NRG1: variants seen among roughly 807,000 people sequenced by gnomAD.
The protein encoded by NRG1 is neuregulin 1.
Under a neutral mutation model 63.8 loss-of-function variants are expected in NRG1, and 18 were observed. That is an observed-to-expected ratio of 0.28 (90% CI 0.19 to 0.42). The LOEUF (loss-of-function observed/expected upper bound fraction) is 0.42, where lower values mean the gene tolerates loss of function less well. Among genes scored for constraint, NRG1 ranks in the 10% least tolerant of loss-of-function variants. NRG1 has a pLI of 1.00. For missense variants in NRG1, 762 were observed against 814.7 expected (o/e 0.94, Z 0.79); for synonymous variants, 302 against 301.3 (o/e 1.00, Z -0.02).
chr8:32,061,850 G>T (rs1054195257), intron 1 of NRG1: 1 of 151,962 alleles, frequency 6.6e-6, no homozygotes. Flanking sequence ...AACATGAACT[G>T]CATTCTTTGT....
chr8:32,457,743 TTTTG>T (rs1411500226), intron 1 of NRG1, among the ~76,000 whole-genome samples: 2 of 152,126 alleles, frequency 1.3e-5, no homozygotes, highest in Non-Finnish European at 2.9e-5. Flanking sequence ...TGGGGAAAGT[TTTTG>T]TTTGTTTTGT....
chr8:32,577,520 CAAAAT>C (rs1484815875), intron 1 of NRG1, among the ~76,000 whole-genome samples: 1 of 152,028 alleles, frequency 6.6e-6, no homozygotes, highest in Non-Finnish European at 1.5e-5. Context: ...AAATGACACA[CAAAAT>C]AAAGAGGCTT....
intron 1 of NRG1, among the ~76,000 whole-genome samples, chr8:32,562,648 G>A (rs1047147013): frequency 1.3e-5 from 2 of 152,146 alleles, no homozygotes; most frequent in Admixed American, 1.3e-4. Context: ...TTCAGTGTGT[G>A]AGTGTGCATG....
Position 31,640,840 on chromosome 8 carries a change from C to G in NRG1, c.37+1409C>G. 7.1e-7 allele frequency: 1 copy of G among 1,403,388 alleles called. No individual in the cohort carries two copies. The highest frequency in any genetic ancestry group is 9.2e-7 in the Non-Finnish European group (1 of 1,081,544). The allele number at this position is 1,403,388 out of a possible 1,614,324, so 86.9% of individuals were successfully genotyped here. On this transcript the variant is annotated intron_variant, in intron 1 of 10. Coordinates refer to the NRG1 transcript ENST00000519301. The surrounding 1 kb of genome is among the most constrained non-coding windows in gnomAD (Gnocchi z 6.3). ...GAGCAAGGCAGAGGCGCTCTGGGTC[C>G]CAGTTGTTGGTTTCAGGGTGGTGGG...
intron 1 of NRG1, among the ~76,000 whole-genome samples, chr8:31,950,461 C>T (rs565592592): frequency 1.3e-5 from 2 of 152,324 alleles, no homozygotes; most frequent in South Asian, 4.1e-4. Context: ...CAGCTTTCTT[C>T]AGCCATTTCT....
At chr8:31,966,895 G>T (rs1391069414) in intron 1 of NRG1, among the ~76,000 whole-genome samples, 3 of 151,914 alleles carry the variant, frequency 2.0e-5, no homozygotes, top group African/African-American at 7.3e-5. Context: ...AGTCAACTTC[G>T]GTTCTGCCCT....
chr8:32,596,020 TA>T lies in NRG1; in HGVS notation c.278+19del. On this transcript the variant is annotated intron_variant, in intron 2 of 11. Transcript: ENST00000356819. ...AAAAAGCCAGGGTAAGTATAATGCA[TA>T]AAATAGTAGAGACTGCCCCCAGCAA... 6.2e-7 allele frequency: 1 copy of T among 1,603,492 alleles called. No individual in the cohort carries two copies. Among genetic ancestry groups the T allele is most frequent in the South Asian group, 1.1e-5 (1 of 90,068 alleles).
At chr8:32,287,427 G>A (rs899696775) in intron 1 of NRG1, 2 of 152,196 alleles carry the variant, frequency 1.3e-5, no homozygotes, top group Non-Finnish European at 2.9e-5. Context: ...GCTTAAGGAG[G>A]CTTTTAGGAT....
chr8:31,890,392 G>A (rs898570099), intron 1 of NRG1, among the ~76,000 whole-genome samples: 1 of 152,144 alleles, frequency 6.6e-6, no homozygotes, highest in Non-Finnish European at 1.5e-5. Context: ...TAACAAAATT[G>A]TTGAAAAATT....
chr8:32,147,962 A>C (rs1837072483), intron 1 of NRG1, among the ~76,000 whole-genome samples: 1 of 152,212 alleles, frequency 6.6e-6, no homozygotes, highest in Admixed American at 6.5e-5. Flanking sequence ...TGGGGATGAT[A>C]ACTATTATTC....
chr8:32,577,667 C>T (rs1438596572), intron 1 of NRG1, among the ~76,000 whole-genome samples: 5 of 152,034 alleles, frequency 3.3e-5, no homozygotes, highest in Non-Finnish European at 7.4e-5. Flanking sequence ...TTCTCAACAA[C>T]TTAGTTAAAT....
intron 1 of NRG1, among the ~76,000 whole-genome samples, chr8:32,259,383 T>A (rs1850108052): frequency 6.6e-6 from 1 of 152,122 alleles, no homozygotes; most frequent in South Asian, 2.1e-4. Flanking sequence ...GGGAGAGGGT[T>A]CCTGATAAAA....
intron 1 of NRG1, among the ~76,000 whole-genome samples, chr8:32,336,256 C>G (rs1563328700): frequency 6.6e-6 from 1 of 152,154 alleles, no homozygotes; most frequent in Non-Finnish European, 1.5e-5. Flanking sequence ...CTCTTATACT[C>G]TAGTGAGGGG....
rs577324604 is a variant in NRG1 at position 32,522,325 on chromosome 8, CA to C, written c.38-73502del. On this transcript the variant is annotated intron_variant, in intron 1 of 10. Coordinates refer to the NRG1 transcript ENST00000519301. ...CAGTCAGTTTCCACATAATGTTGCT[CA>C]TTGGATCATTATTTTAATTTTTCTC... Among the ~76,000 whole-genome samples, 437 of 152,306 alleles carry C rather than the reference CA, an allele frequency of 2.9e-3. 2 individuals carry two copies. Among genetic ancestry groups the C allele is most frequent in the Middle Eastern group, 0.024 (7 of 294 alleles).
intron 1 of NRG1, among the ~76,000 whole-genome samples, chr8:31,864,958 G>A (rs747982829): frequency 3.3e-5 from 5 of 152,200 alleles, no homozygotes; most frequent in South Asian, 2.1e-4. Flanking sequence ...AAAATGCTAC[G>A]TTCACCTACA....
intron 1 of NRG1, among the ~76,000 whole-genome samples, chr8:31,799,480 A>T (rs1474352540): frequency 6.6e-6 from 1 of 152,140 alleles, no homozygotes; most frequent in East Asian, 1.9e-4. Context: ...AGAATTTACT[A>T]CCTTTACAAA....
intron 1 of NRG1, among the ~76,000 whole-genome samples, chr8:32,397,093 TA>T (rs1460758696): frequency 6.6e-6 from 1 of 152,154 alleles, no homozygotes; most frequent in East Asian, 1.9e-4. Context: ...AGGAGATGGA[TA>T]AATAGGTAGG....
intron 1 of NRG1, among the ~76,000 whole-genome samples, chr8:32,125,099 A>G (rs577592311): frequency 6.6e-6 from 1 of 151,900 alleles, no homozygotes; most frequent in African/African-American, 2.4e-5. Context: ...ATGTGAGGAC[A>G]TAGCATTTGC....
chr8:31,868,761 T>C (rs1489964205), intron 1 of NRG1, among the ~76,000 whole-genome samples: 3 of 152,236 alleles, frequency 2.0e-5, no homozygotes, highest in African/African-American at 7.2e-5. Flanking sequence ...GTAATATGAT[T>C]GTCATTGACA....
Sources: gnomAD v4.1 joint callset for allele counts (sites outside exome capture counted in the v4.1 genomes callset) on GRCh38, gnomAD v4.1.1 for gene constraint, Gnocchi (gnomAD v3.1) non-coding constraint, MANE v1.5 for transcripts, NCBI Gene and HGNC (gene_info 2026-07-23, HGNC 2026-07-21) for gene names.